The following RYR1 variants were observed in gnomAD, a reference collection of about 807,000 sequenced individuals.
The protein encoded by RYR1 is ryanodine receptor 1.
A neutral mutation model predicts 583.5 loss-of-function variants in RYR1; 342 were observed. The observed-to-expected ratio is 0.59, with a 90% CI of 0.54 to 0.64. The LOEUF is 0.64. Among genes scored for constraint, RYR1 ranks in the 30% least tolerant of loss-of-function variants. The pLI, the probability that RYR1 is intolerant of heterozygous loss-of-function variation, is 0.00. For synonymous variants in RYR1, 2,791 were observed against 2,822.5 expected (o/e 0.99, Z 0.35); for missense variants, 6,032 against 6,917.2 (o/e 0.87, Z 4.54).
Position 38,463,815 on chromosome 19 carries a change from G to A in RYR1, c.2751G>A (p.Arg917=). 1.2e-6 allele frequency: 2 copies of A among 1,613,790 alleles called. No individual in the cohort carries two copies. Among genetic ancestry groups the A allele is most frequent in the Non-Finnish European group, 8.5e-7 (1 of 1,179,874 alleles). The change falls in exon 22 of 106, where the codon AGG becomes AGA. Residue 917 remains arginine (R), a synonymous_variant. Coordinates refer to ENST00000359596, the MANE Select transcript of RYR1 (RefSeq NM_000540.3). ...TCCACAGCCTTCCAGAGCCTGAGAG[G>A]AACTACAACCTGCAGATGTCTGGGG... The part of the protein sequence containing the change: ...VDFHSLPEPE[R]NYNLQMSGET...
chr19:38,573,399 G>T, intron 96 of RYR1, 92 bp downstream of exon 96: 1 of 1,507,364 alleles, frequency 6.6e-7, no homozygotes, highest in Non-Finnish European at 8.9e-7. Context: ...CTAGGGTTTC[G>T]GTCCGGGCAC....
At chr19:38,552,723 A>C (rs1972717425) in intron 89 of RYR1, among the ~76,000 whole-genome samples, 1 of 152,158 alleles carries the variant, frequency 6.6e-6, no homozygotes, top group African/African-American at 2.4e-5. Flanking sequence ...GGTCTAATCG[A>C]TAGTCAGTGA....
In RYR1 at chr19:38,499,121, T is replaced by G; in HGVS notation, c.6905T>G (p.Leu2302Arg). The G allele has an allele frequency of 6.2e-7, 1 of 1,614,134 alleles. No homozygotes were observed. The highest frequency in any genetic ancestry group is 8.5e-7 in the Non-Finnish European group (1 of 1,180,016). Residue 2302 changes from leucine to arginine, a missense_variant, in exon 43 of 106, where the codon CTG becomes CGG. By Grantham distance (102) the Leu-to-Arg change is moderately radical. Transcript: ENST00000359596. This position sits in a 1 kb window ranked among gnomAD's most constrained non-coding sequence, Gnocchi z 7.3. ...EQDLEKVVSY[L>R]AGCGLQSCPM... ...TTCTGCCCCCAGGTTGTGTCCTACCTGGCAGGCTGTGGCCTCCAGAGCTGC... is the reference window on the plus strand; with the variant it reads ...TTCTGCCCCCAGGTTGTGTCCTACCGGGCAGGCTGTGGCCTCCAGAGCTGC...
At position 38,459,173 on chromosome 19, in the gene RYR1, C is replaced by G; in HGVS notation, c.2195C>G (p.Pro732Arg). 6.2e-7 allele frequency: 1 copy of G among 1,613,888 alleles called. No individual in the cohort carries two copies. The highest frequency in any genetic ancestry group is 8.5e-7 in the Non-Finnish European group (1 of 1,180,024). ...CACGTGGCACGCCCAGTGACTTCCC[C>G]AGGGCAGCACCTCCTGGCCCCTGAA... ...TGHVARPVTS[P>R]GQHLLAPEDV... is the part of the protein sequence containing the mutation. Residue 732 changes from proline (P) to arginine (R), a missense_variant, in exon 19 of 106, where the codon CCA becomes CGA. Pro to Arg is a moderately radical substitution (Grantham distance 103). This residue lies in a region of RYR1 where 2,627 missense variants were observed against 2,961.3 expected (regional missense o/e 0.89). Coordinates refer to ENST00000359596, the MANE Select transcript of RYR1 (RefSeq NM_000540.3).
At chr19:38,524,769 ACTC>A (rs1295870053) in intron 70 of RYR1, among the ~76,000 whole-genome samples, 9 of 148,820 alleles carry the variant, frequency 6.0e-5, no homozygotes, top group Admixed American at 6.0e-4. Context: ...TGTCGCTTGA[ACTC>A]TTTGTGGACC....
At chr19:38,544,139 G>C (rs892856680) in intron 87 of RYR1, among the ~76,000 whole-genome samples, 2 of 152,204 alleles carry the variant, frequency 1.3e-5, no homozygotes, top group African/African-American at 2.4e-5. Flanking sequence ...CGTCCCAATG[G>C]CCGGAGCTCC....
At chr19:38,514,372 C>T (rs1341421245) in intron 63 of RYR1, among the ~76,000 whole-genome samples, 1 of 151,600 alleles carries the variant, frequency 6.6e-6, no homozygotes, top group Non-Finnish European at 1.5e-5. Flanking sequence ...CCTCTGCCTC[C>T]CGGGTTCAAG....
chr19:38,586,049 G>T (rs1157887295), intron 103 of RYR1, 42 bp from the exon 104 acceptor site: 4 of 1,613,922 alleles, frequency 2.5e-6, no homozygotes, highest in Non-Finnish European at 3.4e-6. Flanking sequence ...GGATTCAGGG[G>T]GTCAAGTGGG....
rs1372239896 is a variant in RYR1, at chr19:38,500,512, C to G, written c.7324-94C>G. 1.3e-6 allele frequency: 2 copies of G among 1,565,274 alleles called. No homozygotes were observed. Among genetic ancestry groups the G allele is most frequent in the Non-Finnish European group, 1.8e-6 (2 of 1,142,312 alleles). On this transcript the variant is annotated intron_variant, in intron 45 of 105. Coordinates refer to ENST00000359596, the MANE Select transcript of RYR1 (RefSeq NM_000540.3). This position sits in a 1 kb window ranked among gnomAD's most constrained non-coding sequence, Gnocchi z 5.9. ...CAGCCTCCTGAGAAAGAGGCCTGCT[C>G]TACCCTCCTGTGTGGTAAGGGAGGG...
chr19:38,466,647 G>A (rs959481774), intron 24 of RYR1, among the ~76,000 whole-genome samples: 12 of 151,952 alleles, frequency 7.9e-5, no homozygotes, highest in African/African-American at 2.2e-4. Flanking sequence ...GATTACCGGC[G>A]GGTGCCACCA....
chr19:38,457,910 C>T, intron 17 of RYR1, 141 bp from the exon 18 acceptor site: 2 of 905,186 alleles, frequency 2.2e-6, no homozygotes, highest in East Asian at 4.9e-5. Flanking sequence ...TGTCTTGATT[C>T]TTCCTCCATG....
In RYR1 at chr19:38,516,123, G is replaced by A; in HGVS notation, c.9591G>A (p.Leu3197=). ...CCCTCGGGGAGTGCCTGGCCCGTCTGGCAGCAGCCATGCCGGTGGCGTTCC... is the reference window on the plus strand; with the variant it reads ...CCCTCGGGGAGTGCCTGGCCCGTCTAGCAGCAGCCATGCCGGTGGCGTTCC... ...RPALGECLAR[L]AAAMPVAFLE... is the part of the protein sequence containing the mutation. The change falls in exon 65 of 106, where the codon CTG becomes CTA. Residue 3197 remains leucine (L), a synonymous_variant. Transcript: ENST00000359596. The A allele has an allele frequency of 6.5e-7, 1 of 1,550,324 alleles. No homozygotes were observed. Among genetic ancestry groups the A allele is most frequent in the Non-Finnish European group, 8.7e-7 (1 of 1,147,220 alleles).
intron 1 of RYR1, among the ~76,000 whole-genome samples, chr19:38,436,621 T>G (rs1303452537): frequency 6.6e-6 from 1 of 152,200 alleles, no homozygotes. Context: ...CTGTGGTGTG[T>G]TTATCAGTTC....
At chr19:38,527,880 A>C in intron 73 of RYR1, 96 bp downstream of exon 73, 2 of 1,464,074 alleles carry the variant, frequency 1.4e-6, no homozygotes, top group Non-Finnish European at 1.9e-6. Flanking sequence ...GGAGATGACT[A>C]TTAAGTTTTG....
intron 52 of RYR1, 29 bp from the exon 53 acceptor site, chr19:38,505,280 C>T (rs1328505025): frequency 1.3e-6 from 2 of 1,525,390 alleles, no homozygotes; most frequent in Admixed American, 1.7e-5. Flanking sequence ...TGCTGCCTCC[C>T]CCTCACCCTG....
At chr19:38,506,277 C>T in intron 54 of RYR1, 26 bp from the exon 55 acceptor site, 1 of 1,612,728 alleles carries the variant, frequency 6.2e-7, no homozygotes, top group Non-Finnish European at 8.5e-7. Context: ...ATCAGCCCAC[C>T]TCCCATCTTC....
At chr19:38,457,149 A>G (rs1216161372) in intron 16 of RYR1, among the ~76,000 whole-genome samples, 1 of 150,908 alleles carries the variant, frequency 6.6e-6, no homozygotes, top group Non-Finnish European at 1.5e-5. Flanking sequence ...CAAGTTTGCA[A>G]CCCCTGCTGA....
At position 38,485,720 on chromosome 19, in the gene RYR1, G is replaced by C; in HGVS notation, c.5065G>C (p.Asp1689His). Residue 1689 changes from aspartate (D) to histidine (H), a missense_variant, in exon 34 of 106, where the codon GAC (aspartate) becomes CAC (histidine). Asp to His is a moderately conservative substitution (Grantham distance 81). Around this residue, in one of 11 missense-constraint regions of RYR1, gnomAD observed 2,627 missense variants for 2,961.3 expected, o/e 0.89. Coordinates refer to ENST00000359596, the MANE Select transcript of RYR1 (RefSeq NM_000540.3). ...GGCGCACGCTCTGTGCAGCCACGTA[G>C]ACCAAGCTCAGCTGCTGCACGCCCT... The part of the protein sequence containing the change: ...RVAHALCSHV[D>H]QAQLLHALED... 6.2e-7 allele frequency: 1 copy of C among 1,612,422 alleles called. No individual in the cohort carries two copies. Among genetic ancestry groups the C allele is most frequent in the South Asian group, 1.1e-5 (1 of 91,064 alleles).
chr19:38,527,564 C>A, intron 72 of RYR1, 83 bp from the exon 73 acceptor site: 3 of 1,570,588 alleles, frequency 1.9e-6, no homozygotes, highest in South Asian at 1.1e-5. Flanking sequence ...CCCATTGAGT[C>A]CTCCCAAAAA....
Sources: allele counts gnomAD v4.1 joint callset (sites outside exome capture counted in the v4.1 genomes callset), GRCh38; gene constraint gnomAD v4.1.1; regional missense constraint gnomAD v4.1.1; non-coding constraint Gnocchi (gnomAD v3.1); transcripts MANE v1.5; gene names NCBI Gene and HGNC (gene_info 2026-07-23, HGNC 2026-07-21).